Variants in RUNX1 observed in about 807,000 individuals in gnomAD.
The protein encoded by RUNX1 is RUNX family transcription factor 1.
A neutral mutation model predicts 42.8 loss-of-function variants in RUNX1; 19 were observed. The observed-to-expected ratio is 0.44, with a 90% CI of 0.31 to 0.65. RUNX1 has a LOEUF of 0.65. RUNX1 is among the 30% of genes least tolerant of loss of function. The probability of loss-of-function intolerance (pLI) is 0.07; values close to 1 mark genes in which losing one functional copy is unlikely to be tolerated. For missense variants in RUNX1, 528 were observed against 672.0 expected, an observed-to-expected ratio of 0.79 and a Z score of 2.37; for synonymous variants, 271 against 289.4, an observed-to-expected ratio of 0.94 and a Z score of 0.64.
Position 34,792,800 on chromosome 21 carries a change from G to C in RUNX1, c.968-190C>G, listed in dbSNP as rs182344019. ...TCCCAAGAGGACGAGGATTACCCAG[G>C]ATGCTATACCCAGGGGGACAGGGAC... On this transcript the variant is annotated intron_variant, in intron 8 of 8. Coordinates refer to ENST00000675419, the MANE Select transcript of RUNX1 (RefSeq NM_001754.5). This position sits in a 1 kb window ranked among gnomAD's most constrained non-coding sequence, Gnocchi z 6.9. 2.0e-3 allele frequency among the ~76,000 whole-genome samples: 309 copies of C among 151,850 alleles called. 1 individual carries two copies. The highest frequency in any genetic ancestry group is 7.1e-3 in the African/African-American group (295 of 41,402).
At position 35,033,507 on chromosome 21, in the gene RUNX1, A is replaced by G. The variant is rs114654299; in HGVS notation, c.58+15335T>C. ...TGGGATTCCTGTTCTCTGTCCCTCT[A>G]ACACCTCATGCAGACACATGTCCCA... On this transcript the variant is annotated intron_variant, in intron 2 of 8. Coordinates refer to ENST00000675419, the MANE Select transcript of RUNX1 (RefSeq NM_001754.5). Among the ~76,000 whole-genome samples, 1,074 of 152,268 alleles carry G rather than the reference A, an allele frequency of 7.1e-3. 8 individuals carry two copies. The highest frequency in any genetic ancestry group is 0.023 in the African/African-American group (953 of 41,544).
chr21:34,930,270 G>GTGTGTATATATATATATATATATA (rs372412304), intron 2 of RUNX1, among the ~76,000 whole-genome samples: 12 of 122,970 alleles, frequency 9.8e-5, no homozygotes, highest in African/African-American at 4.1e-4. Flanking sequence ...GTGTGTGTAT[G>GTGTGTATATATATATATATATATA]TATATATATA....
intron 2 of RUNX1, among the ~76,000 whole-genome samples, chr21:34,912,178 T>C (rs2058277598): frequency 6.7e-6 from 1 of 149,624 alleles, no homozygotes; most frequent in South Asian, 2.2e-4. Context: ...TCGATGACAA[T>C]GAACTGTAGC....
chr21:34,973,370 T>C (rs1241177803), intron 2 of RUNX1, among the ~76,000 whole-genome samples: 1 of 152,232 alleles, frequency 6.6e-6, no homozygotes, highest in Non-Finnish European at 1.5e-5. Flanking sequence ...CCCTGCAACG[T>C]ACTGGCTTCC....
At chr21:34,944,936 A>G (rs2058553821) in intron 2 of RUNX1, among the ~76,000 whole-genome samples, 1 of 152,244 alleles carries the variant, frequency 6.6e-6, no homozygotes, top group South Asian at 2.1e-4. Context: ...ATCAAAGCAC[A>G]GTTTATGAGG....
chr21:34,876,545 CTGTG>C (rs990008348), intron 5 of RUNX1, among the ~76,000 whole-genome samples: 2 of 152,158 alleles, frequency 1.3e-5, no homozygotes, highest in Non-Finnish European at 2.9e-5. Flanking sequence ...ATACGTAATT[CTGTG>C]TGTAAGTGAA....
At position 35,048,770 on chromosome 21, in the gene RUNX1, T is replaced by C. The variant is rs570912546; in HGVS notation, c.58+72A>G. 9.1e-6 allele frequency: 12 copies of C among 1,311,706 alleles called. 1 individual carries two copies. In the East Asian group the frequency reaches 2.1e-4, roughly 23 times the overall value. 81.3% of individuals were successfully genotyped at this position (1,311,706 alleles called of 1,614,324 possible). On this transcript the variant is annotated intron_variant, in intron 2 of 8. Coordinates refer to ENST00000675419, the MANE Select transcript of RUNX1 (RefSeq NM_001754.5). Reference sequence around the variant, plus strand: ...GCACCGAGGCATCTCTGCACCGAGGTGAAACAAGCTGCCATTTCATTACAG... The same window carrying C: ...GCACCGAGGCATCTCTGCACCGAGGCGAAACAAGCTGCCATTTCATTACAG...
chr21:35,040,267 C>G (rs1323766801), intron 2 of RUNX1, among the ~76,000 whole-genome samples: 2 of 152,172 alleles, frequency 1.3e-5, no homozygotes, highest in Non-Finnish European at 2.9e-5. Flanking sequence ...GTGCAGCAAA[C>G]TGTGGTTGGT....
At chr21:34,952,029 A>G (rs1239941835) in intron 2 of RUNX1, among the ~76,000 whole-genome samples, 2 of 152,196 alleles carry the variant, frequency 1.3e-5, no homozygotes, top group African/African-American at 2.4e-5. Context: ...CATACACACC[A>G]TGGAATACTA....
chr21:34,960,378 C>T (rs867372680), intron 2 of RUNX1, among the ~76,000 whole-genome samples: 1 of 152,206 alleles, frequency 6.6e-6, no homozygotes, highest in Admixed American at 6.5e-5. Context: ...TCCACTCTTA[C>T]CCTTTCCTGC....
intron 5 of RUNX1, among the ~76,000 whole-genome samples, chr21:34,867,605 G>A (rs1252179981): frequency 1.3e-5 from 2 of 152,166 alleles, no homozygotes; most frequent in Non-Finnish European, 2.9e-5. Flanking sequence ...GGAGGGGCGG[G>A]CCTCTTTATT....
At chr21:34,909,333 T>C (rs2834671) in intron 2 of RUNX1, among the ~76,000 whole-genome samples, 11,051 of 152,218 alleles carry the variant, frequency 0.073, 623 homozygotes, top group Admixed American at 0.19. Context: ...ATATCACTTA[T>C]ATCTTTTAAA....
At position 34,792,064 on chromosome 21, in the gene RUNX1, G is replaced by A. The variant is rs1283174027; in HGVS notation, c.*71C>T. The A allele has an allele frequency of 1.9e-6, 2 of 1,029,568 alleles. No homozygotes were observed. Among genetic ancestry groups the A allele is most frequent in the South Asian group, 2.0e-5 (1 of 50,606 alleles). The allele number at this position is 1,029,568 out of a possible 1,614,324, so 63.8% of individuals were successfully genotyped here. A position where few individuals can be genotyped will look rare whatever the true frequency, so the allele number is the denominator to read the frequency against. ...CCCGGGATCCCGGCGGGCTTGTCGC[G>A]AACAGGAGGCCCGCGCGCCCGGAGG... On this transcript the variant is annotated 3_prime_UTR_variant, in exon 9 of 9. Transcript: ENST00000675419. The surrounding 1 kb of genome is among the most constrained non-coding windows in gnomAD (Gnocchi z 6.9).
intron 8 of RUNX1, among the ~76,000 whole-genome samples, chr21:34,793,377 ATATAC>A (rs1378014613): frequency 6.6e-6 from 1 of 152,222 alleles, no homozygotes; most frequent in Admixed American, 6.5e-5. Flanking sequence ...GTGCAATAGT[ATATAC>A]TATAATATGT....
intron 2 of RUNX1, among the ~76,000 whole-genome samples, chr21:35,022,277 T>C (rs1038464963): frequency 1.3e-5 from 2 of 152,128 alleles, no homozygotes; most frequent in African/African-American, 4.8e-5. Context: ...CAAGGGCATG[T>C]TGAGAGATAG....
At chr21:34,887,242 T>C (rs906238325) in intron 3 of RUNX1, 146 bp from the exon 4 acceptor site, 25 of 299,308 alleles carry the variant, frequency 8.4e-5, no homozygotes, top group African/African-American at 2.5e-4. Flanking sequence ...CTGCGGGGGG[T>C]GGGGGGGGGC....
chr21:34,886,815 C>T, intron 4 of RUNX1, 28 bp downstream of exon 4: 1 of 1,612,056 alleles, frequency 6.2e-7, no homozygotes, highest in Non-Finnish European at 8.5e-7. Context: ...CTCCGCCTGT[C>T]CTCCCACCAC....
intron 3 of RUNX1, chr21:34,889,539 C>T: frequency 2.2e-6 from 1 of 455,882 alleles, no homozygotes; most frequent in Non-Finnish European, 3.0e-6. Flanking sequence ...CGGCTTGCTC[C>T]CGGGCCTTGT....
chr21:35,007,196 A>G (rs944610708), intron 2 of RUNX1, among the ~76,000 whole-genome samples: 1 of 152,218 alleles, frequency 6.6e-6, no homozygotes, highest in Non-Finnish European at 1.5e-5. Flanking sequence ...TTAGTAAATT[A>G]ATCTCACGTG....
Sources: gnomAD v4.1 joint callset for allele counts (sites outside exome capture counted in the v4.1 genomes callset) on GRCh38, gnomAD v4.1.1 for gene constraint, Gnocchi (gnomAD v3.1) non-coding constraint, MANE v1.5 for transcripts, NCBI Gene and HGNC (gene_info 2026-07-23, HGNC 2026-07-21) for gene names.